NKAIN2: variants seen among roughly 807,000 people sequenced by gnomAD.
NKAIN2 encodes sodium/potassium transporting ATPase interacting 2.
NKAIN2 carries 14 observed loss-of-function variants against 32.6 expected under a neutral mutation model. The ratio of observed to expected loss-of-function variants is 0.43; its 90% CI spans 0.28 to 0.67. The LOEUF (loss-of-function observed/expected upper bound fraction) is 0.67, where lower values mean the gene tolerates loss of function less well. Among genes scored for constraint, NKAIN2 ranks in the 30% least tolerant of loss-of-function variants. NKAIN2 has a pLI of 0.17. For missense variants in NKAIN2, 198 were observed against 258.3 expected, an observed-to-expected ratio of 0.77 and a Z score of 1.60; for synonymous variants, 80 against 87.2, an observed-to-expected ratio of 0.92 and a Z score of 0.46.
At chr6:124,351,857 G>C (rs1798749708) in intron 2 of NKAIN2, among the ~76,000 whole-genome samples, 1 of 152,174 alleles carries the variant, frequency 6.6e-6, no homozygotes. Context: ...CTGACCTCAG[G>C]TGATCCACCC....
chr6:123,976,098 T>C (rs1398895624), intron 1 of NKAIN2, among the ~76,000 whole-genome samples: 6 of 151,348 alleles, frequency 4.0e-5, no homozygotes, highest in African/African-American at 1.2e-4. Context: ...TTTTGCCTTC[T>C]ACCATGATTG....
chr6:124,211,306 A>G (rs1791163875), intron 1 of NKAIN2, among the ~76,000 whole-genome samples: 1 of 151,892 alleles, frequency 6.6e-6, no homozygotes, highest in Admixed American at 6.6e-5. Context: ...TATTTAAAAA[A>G]GATTTTAAAC....
At chr6:124,609,567 T>C (rs1782616419) in intron 3 of NKAIN2, among the ~76,000 whole-genome samples, 1 of 152,116 alleles carries the variant, frequency 6.6e-6, no homozygotes, top group Admixed American at 6.6e-5. Context: ...GTGAAGATGA[T>C]GAACATGTGT....
intron 1 of NKAIN2, among the ~76,000 whole-genome samples, chr6:124,117,727 T>C (rs1785682726): frequency 6.6e-6 from 1 of 151,924 alleles, no homozygotes; most frequent in African/African-American, 2.4e-5. Flanking sequence ...TATTTCATTA[T>C]GATTTATGAT....
At chr6:124,218,355 G>A (rs948500022) in intron 1 of NKAIN2, among the ~76,000 whole-genome samples, 2 of 151,990 alleles carry the variant, frequency 1.3e-5, no homozygotes, top group Non-Finnish European at 2.9e-5. Context: ...TTTCATTTGA[G>A]GTTATTCTCA....
intron 3 of NKAIN2, among the ~76,000 whole-genome samples, chr6:124,508,759 G>T (rs1436096936): frequency 6.6e-6 from 1 of 152,140 alleles, no homozygotes; most frequent in African/African-American, 2.4e-5. Flanking sequence ...TGGAAGAGCC[G>T]TATTCCTGCT....
chr6:124,626,716 T>G (rs534887450), intron 3 of NKAIN2, among the ~76,000 whole-genome samples: 6 of 152,234 alleles, frequency 3.9e-5, no homozygotes, highest in African/African-American at 1.4e-4. Context: ...TGGGGGTATA[T>G]TCAGGGCCAC....
chr6:124,808,074 A>C (rs957198900), intron 5 of NKAIN2, among the ~76,000 whole-genome samples: 4 of 151,788 alleles, frequency 2.6e-5, no homozygotes, highest in African/African-American at 4.8e-5. Context: ...AACTGGTACC[A>C]TTCCTTCTGA....
At chr6:124,214,006 A>T (rs1791327312) in intron 1 of NKAIN2, among the ~76,000 whole-genome samples, 1 of 152,202 alleles carries the variant, frequency 6.6e-6, no homozygotes. Context: ...ACTATTCACA[A>T]TATAATGATT....
chr6:124,041,223 T>TA (rs1178147938), intron 1 of NKAIN2, among the ~76,000 whole-genome samples: 4 of 152,118 alleles, frequency 2.6e-5, no homozygotes, highest in Admixed American at 6.6e-5. Flanking sequence ...ATCACTCCTG[T>TA]AAACATTATC....
chr6:124,759,656 C>CACACACACACACACACA lies in NKAIN2; in HGVS notation c.475-31683_475-31682insACACACACACACACACA, dbSNP rs879444854. Among the ~76,000 whole-genome samples the CACACACACACACACACA allele has an allele frequency of 1.8e-4, 12 of 66,418 alleles. No homozygotes were observed. In the East Asian group the frequency reaches 2.2e-3, roughly 12 times the overall value. The allele number at this position is 66,418 out of a possible 152,430, so 43.6% of individuals were successfully genotyped here. On this transcript the variant is annotated intron_variant, in intron 4 of 6. Coordinates refer to ENST00000368417, the MANE Select transcript of NKAIN2 (RefSeq NM_001040214.3). ...ACACACACACACACACACACACACA[C>CACACACACACACACACA]CCCCTATCTCCCTTTCCTGCCTTAT...
At chr6:124,127,529 T>G (rs535885423) in intron 1 of NKAIN2, among the ~76,000 whole-genome samples, 1 of 152,170 alleles carries the variant, frequency 6.6e-6, no homozygotes, top group Non-Finnish European at 1.5e-5. Flanking sequence ...CTTCTTTGTT[T>G]TTATACTTAG....
chr6:123,977,420 G>A (rs60848363), intron 1 of NKAIN2, among the ~76,000 whole-genome samples: 8,223 of 151,988 alleles, frequency 0.054, 744 homozygotes, highest in African/African-American at 0.18. Flanking sequence ...TTAAAAACAA[G>A]CAAACAAAAA....
chr6:124,421,244 G>T (rs574040763), intron 3 of NKAIN2, among the ~76,000 whole-genome samples: 12 of 152,068 alleles, frequency 7.9e-5, no homozygotes, highest in Non-Finnish European at 1.5e-4. Context: ...ACTGTAACTG[G>T]TAACCAAAAT....
chr6:124,687,392 C>T lies in NKAIN2; in HGVS notation c.474+29006C>T, dbSNP rs1254139741. On this transcript the variant is annotated intron_variant, in intron 4 of 6. Coordinates refer to ENST00000368417, the MANE Select transcript of NKAIN2 (RefSeq NM_001040214.3). ...ACACATACATGGAATATATATATTCCATGTATGTGTATGTATGGAATATAT... is the reference window on the plus strand; with the variant it reads ...ACACATACATGGAATATATATATTCTATGTATGTGTATGTATGGAATATAT... 2.6e-5 allele frequency among the ~76,000 whole-genome samples: 3 copies of T among 117,476 alleles called. 1 individual carries two copies. The highest frequency in any genetic ancestry group is 8.3e-5 in the Admixed American group (1 of 11,978). The allele number at this position is 117,476 out of a possible 152,430, so 77.1% of individuals were successfully genotyped here. A position where few individuals can be genotyped will look rare whatever the true frequency, so the allele number is the denominator to read the frequency against.
At chr6:124,725,511 T>A (rs1310278265) in intron 4 of NKAIN2, among the ~76,000 whole-genome samples, 1 of 152,230 alleles carries the variant, frequency 6.6e-6, no homozygotes, top group African/African-American at 2.4e-5. Context: ...AAAGAATCTT[T>A]AGTTTTTCCT....
intron 2 of NKAIN2, among the ~76,000 whole-genome samples, chr6:124,330,906 G>T (rs1423907039): frequency 3.9e-5 from 6 of 151,902 alleles, no homozygotes; most frequent in African/African-American, 1.4e-4. Context: ...TCTAGGTTGC[G>T]TGCTCCTTAT....
intron 2 of NKAIN2, among the ~76,000 whole-genome samples, chr6:124,351,454 A>G (rs1463158727): frequency 2.0e-5 from 3 of 151,440 alleles, no homozygotes; most frequent in Non-Finnish European, 4.4e-5. Flanking sequence ...GCAGTGATCC[A>G]AGGCCACTGC....
intron 2 of NKAIN2, among the ~76,000 whole-genome samples, chr6:124,339,496 G>A (rs1374370212): frequency 3.3e-5 from 5 of 152,148 alleles, no homozygotes; most frequent in African/African-American, 1.2e-4. Flanking sequence ...TCTGTTAGCT[G>A]TGGGATTACC....
Sources: gnomAD v4.1 joint callset for allele counts (sites outside exome capture counted in the v4.1 genomes callset) on GRCh38, gnomAD v4.1.1 for gene constraint, MANE v1.5 for transcripts, NCBI Gene and HGNC (gene_info 2026-07-23, HGNC 2026-07-21) for gene names.